NBAS: variants seen among roughly 807,000 people sequenced by gnomAD.
NBAS encodes the protein NBAS subunit of NRZ tethering complex, also known as NAG/BC035112 fusion.
A neutral mutation model predicts 302.5 loss-of-function variants in NBAS; 219 were observed. That is an observed-to-expected ratio of 0.72 (90% confidence interval 0.65 to 0.81). The LOEUF (loss-of-function observed/expected upper bound fraction) is 0.81, where lower values mean the gene tolerates loss of function less well. NBAS is among the 30% of genes least tolerant of loss of function. The pLI is 0.00. For synonymous variants in NBAS, 1,118 were observed against 1,021.6 expected (o/e 1.09, Z -1.80); for missense variants, 2,932 against 2,841.6 (o/e 1.03, Z -0.72).
the NBAS span, among the ~76,000 whole-genome samples, chr2:14,811,806 A>T: frequency 6.6e-6 from 1 of 152,178 alleles, no homozygotes; most frequent in Non-Finnish European, 1.5e-5. Flanking sequence ...AGAAGGAGGT[A>T]GGTAAGAAAG....
Position 15,535,523 on chromosome 2 carries a change from GAAATAAATAAATAAAT to G in NBAS, c.647+879_648-883del, listed in dbSNP as rs58852086. On this transcript the variant is annotated intron_variant, in intron 8 of 51. Coordinates refer to ENST00000281513, the MANE Select transcript of NBAS (RefSeq NM_015909.4). Reference sequence around the variant, plus strand: ...GGCGACAGAGCAAGACTCCGTCTCAGAAATAAATAAATAAATAAATAAATAAATAAATAAATAAATA... The same window carrying G: ...GGCGACAGAGCAAGACTCCGTCTCAGAAATAAATAAATAAATAAATAAATA... Among the ~76,000 whole-genome samples, 6 of 99,786 alleles carry G rather than the reference GAAATAAATAAATAAAT, an allele frequency of 6.0e-5. No individual in the cohort carries two copies. In the East Asian group the frequency reaches 1.3e-3, roughly 22 times the overall value. 65.5% of individuals were successfully genotyped at this position (99,786 alleles called of 152,430 possible).
At chr2:15,369,084 T>A (rs931708282) in intron 31 of NBAS, among the ~76,000 whole-genome samples, 8 of 152,174 alleles carry the variant, frequency 5.3e-5, no homozygotes, top group African/African-American at 1.4e-4. Context: ...CAGTAACATA[T>A]GATAATTGTG....
At chr2:15,392,821 GA>G (rs1176976938) in intron 28 of NBAS, among the ~76,000 whole-genome samples, 5 of 151,054 alleles carry the variant, frequency 3.3e-5, no homozygotes, top group East Asian at 1.9e-4. Context: ...AACTTTGGGG[GA>G]AAAAAAACAA....
At chr2:15,279,408 A>T (rs1187437168) in intron 42 of NBAS, among the ~76,000 whole-genome samples, 1 of 152,100 alleles carries the variant, frequency 6.6e-6, no homozygotes, top group Non-Finnish European at 1.5e-5. Flanking sequence ...ACCACTTCAA[A>T]ACCAGGATTC....
chr2:15,335,843 C>T (rs558502778), intron 35 of NBAS, among the ~76,000 whole-genome samples: 4 of 152,034 alleles, frequency 2.6e-5, no homozygotes, highest in Admixed American at 1.3e-4. Context: ...TAGTCCAATT[C>T]GTCAGTTTTT....
chr2:15,277,083 A>G lies in NBAS; in HGVS notation c.5157T>C (p.Ile1719=). The G allele has an allele frequency of 6.2e-7, 1 of 1,613,740 alleles. No individual in the cohort carries two copies. Among genetic ancestry groups the G allele is most frequent in the Middle Eastern group, 1.7e-4 (1 of 6,060 alleles). The change falls in exon 43 of 52, where the codon ATT becomes ATC. Residue 1719 remains isoleucine, a synonymous_variant. Transcript: ENST00000281513. Reference sequence around the variant, plus strand: ...GATGAAGGTCTTGGGCTCTATTTTCAATTTCTAGTGTGGACAAACTGAAAT... The same window carrying G: ...GATGAAGGTCTTGGGCTCTATTTTCGATTTCTAGTGTGGACAAACTGAAAT... The part of the protein sequence containing the change: ...FTDSGLSTLE[I]ENRAQDLHLF...
At chr2:15,086,477 C>T in the NBAS span, among the ~76,000 whole-genome samples, 1 of 152,232 alleles carries the variant, frequency 6.6e-6, no homozygotes, top group Non-Finnish European at 1.5e-5. Flanking sequence ...AGCTATAACA[C>T]AAACAGGGCT....
At chr2:15,416,736 A>C (rs976660032) in intron 24 of NBAS, among the ~76,000 whole-genome samples, 23 of 148,692 alleles carry the variant, frequency 1.5e-4, no homozygotes, top group African/African-American at 5.4e-4. Context: ...AACCCAGGAG[A>C]TGGAGGTTAC....
intron 48 of NBAS, among the ~76,000 whole-genome samples, chr2:15,216,337 G>A (rs538778054): frequency 2.6e-5 from 4 of 152,198 alleles, no homozygotes; most frequent in African/African-American, 9.6e-5. Context: ...GAGATGACTT[G>A]TATTAGAGTC....
chr2:15,311,359 C>A (rs967731683), intron 38 of NBAS, among the ~76,000 whole-genome samples: 2 of 152,174 alleles, frequency 1.3e-5, no homozygotes, highest in African/African-American at 4.8e-5. Flanking sequence ...ATGCAAAGTG[C>A]AGAGCATCAC....
the NBAS span, among the ~76,000 whole-genome samples, chr2:14,971,019 C>T: frequency 6.6e-6 from 1 of 152,292 alleles, no homozygotes; most frequent in South Asian, 2.1e-4. Flanking sequence ...CAGCGAGCCC[C>T]TTCCCACATG....
chr2:15,312,441 T>G (rs915522144), intron 38 of NBAS, among the ~76,000 whole-genome samples: 1 of 152,066 alleles, frequency 6.6e-6, no homozygotes, highest in Admixed American at 6.6e-5. Context: ...ACCAGACTAT[T>G]GCTTTAAAAT....
At chr2:15,422,073 A>T (rs548928008) in intron 23 of NBAS, among the ~76,000 whole-genome samples, 1 of 152,330 alleles carries the variant, frequency 6.6e-6, no homozygotes, top group South Asian at 2.1e-4. Flanking sequence ...CCATTATGGT[A>T]TCCAATGAAG....
intron 50 of NBAS, among the ~76,000 whole-genome samples, chr2:15,184,215 T>C (rs1278455779): frequency 1.3e-5 from 2 of 152,136 alleles, no homozygotes; most frequent in African/African-American, 4.8e-5. Context: ...TATCAAGTGG[T>C]CCCTATAGGT....
At chr2:14,800,072 A>C in the NBAS span, among the ~76,000 whole-genome samples, 4 of 152,202 alleles carry the variant, frequency 2.6e-5, no homozygotes, top group African/African-American at 9.7e-5. Context: ...CTATGGTTGA[A>C]TATAAATCTT....
the NBAS span, among the ~76,000 whole-genome samples, chr2:14,833,708 G>A: frequency 6.7e-6 from 1 of 149,820 alleles, no homozygotes; most frequent in Non-Finnish European, 1.5e-5. Flanking sequence ...GCCTTGGACT[G>A]GGAGGTAGGA....
chr2:14,781,718 A>T, the NBAS span, among the ~76,000 whole-genome samples: 1 of 149,548 alleles, frequency 6.7e-6, no homozygotes, highest in Non-Finnish European at 1.5e-5. Flanking sequence ...CTCTCATGTT[A>T]AGGATCTATG....
intron 44 of NBAS, among the ~76,000 whole-genome samples, chr2:15,259,147 TA>T (rs940849636): frequency 3.3e-5 from 5 of 152,184 alleles, no homozygotes; most frequent in African/African-American, 1.2e-4. Context: ...ATAGATTTTT[TA>T]AAAAAACCCT....
chr2:15,053,833 G>A, the NBAS span, among the ~76,000 whole-genome samples: 7 of 152,054 alleles, frequency 4.6e-5, no homozygotes, highest in East Asian at 1.2e-3. Flanking sequence ...CTCAAGACAC[G>A]TTAGAGAAGG....
Sources: gnomAD v4.1 joint callset for allele counts (sites outside exome capture counted in the v4.1 genomes callset) on GRCh38, gnomAD v4.1.1 for gene constraint, MANE v1.5 for transcripts, NCBI Gene and HGNC (gene_info 2026-07-23, HGNC 2026-07-21) for gene names.